Variants in DSC1 observed in about 807,000 individuals in gnomAD.
The protein encoded by DSC1 is desmocollin-1.
Under a neutral mutation model 98.8 loss-of-function variants are expected in DSC1, and 79 were observed. That is an observed-to-expected ratio of 0.80 (90% CI 0.67 to 0.96). The LOEUF (loss-of-function observed/expected upper bound fraction) is 0.96, where lower values mean the gene tolerates loss of function less well. Among genes scored for constraint, DSC1 ranks in the 50% least tolerant of loss-of-function variants. The pLI, the probability that DSC1 is intolerant of heterozygous loss-of-function variation, is 0.00. For missense variants in DSC1, 1,115 were observed against 1,075.9 expected (o/e 1.04, Z -0.51); for synonymous variants, 405 against 372.1 (o/e 1.09, Z -1.02).
chr18:31,133,538 A>T (rs1422164912), intron 13 of DSC1, among the ~76,000 whole-genome samples: 2 of 152,146 alleles, frequency 1.3e-5, no homozygotes, highest in Admixed American at 6.5e-5. Context: ...CCCTACATAA[A>T]CATGGCTGGT....
At chr18:31,147,318 C>T (rs1199156568) in intron 6 of DSC1, among the ~76,000 whole-genome samples, 1 of 151,972 alleles carries the variant, frequency 6.6e-6, no homozygotes. Flanking sequence ...GCACCTGTGA[C>T]ACATATGTAC....
rs1989081458 is a variant in DSC1 at position 31,155,595 on chromosome 18, A to AATGT, written c.471+447_471+448insACAT. On this transcript the variant is annotated intron_variant, in intron 4 of 15. Transcript: ENST00000257198. ...CGGTGAGCTGAGCTGATGCCACTAT[A>AATGT]CTCCAAAATTTCAAAACTGTTCTAT... 2.0e-5 allele frequency among the ~76,000 whole-genome samples: 3 copies of AATGT among 152,216 alleles called. No homozygotes were observed. The East Asian group carries it at 5.8e-4, about 29-fold the overall frequency.
At chr18:31,144,833 T>C (rs772144249) in intron 7 of DSC1, among the ~76,000 whole-genome samples, 1 of 152,190 alleles carries the variant, frequency 6.6e-6, no homozygotes, top group Non-Finnish European at 1.5e-5. Flanking sequence ...AATGTATCAG[T>C]TGTATCAAAT....
At position 31,129,450 on chromosome 18, in the gene DSC1, C is replaced by T. The variant is rs1317356526; in HGVS notation, c.*1064G>A. 6.6e-6 allele frequency: 1 copy of T among 151,876 alleles called. No individual in the cohort carries two copies. The highest frequency in any genetic ancestry group is 1.5e-5 in the Non-Finnish European group (1 of 67,970). 9.4% of individuals were successfully genotyped at this position (151,876 alleles called of 1,614,324 possible). A position where few individuals can be genotyped will look rare whatever the true frequency, so the allele number is the denominator to read the frequency against. ...GGGTTTCTCATATACATTCTAGTCC[C>T]TAATTCTGACTGCCCATTTTCTTAA... On this transcript the variant is annotated 3_prime_UTR_variant, in exon 16 of 16. Coordinates refer to ENST00000257198, the MANE Select transcript of DSC1 (RefSeq NM_024421.2).
In DSC1 at chr18:31,145,472, C is replaced by T. The variant is rs973831657; in HGVS notation, c.939+139G>A. On this transcript the variant is annotated intron_variant, in intron 7 of 15. Transcript: ENST00000257198. ...CAACATCTCTAAGGACCGAGGACAT[C>T]TCCAGAGAAGCCCTAACCGCAGCCT... 9.4e-6 allele frequency: 8 copies of T among 847,276 alleles called. No homozygotes were observed. The African/African-American group carries it at 1.4e-4, about 15-fold the overall frequency. The allele number at this position is 847,276 out of a possible 1,614,324, so 52.5% of individuals were successfully genotyped here.
chr18:31,153,536 C>G (rs1989039653), intron 5 of DSC1, among the ~76,000 whole-genome samples: 1 of 151,984 alleles, frequency 6.6e-6, no homozygotes, highest in Non-Finnish European at 1.5e-5. Context: ...CACTACAATC[C>G]CACCATGAAT....
At chr18:31,152,793 A>T in intron 5 of DSC1, among the ~76,000 whole-genome samples, 1 of 151,930 alleles carries the variant, frequency 6.6e-6, no homozygotes, top group East Asian at 2.0e-4. Context: ...ACTATTATTA[A>T]AGTATATTAC....
chr18:31,155,062 G>T, intron 4 of DSC1, 133 bp from the exon 5 acceptor site: 1 of 1,053,198 alleles, frequency 9.5e-7, no homozygotes, highest in East Asian at 2.7e-5. Context: ...CTGCTTAGGT[G>T]CCCATTATCT....
Position 31,130,532 on chromosome 18 carries a change from C to T in DSC1, c.2667G>A (p.Lys889=). The stretch of plus-strand genomic sequence containing the variant: ...GGCACATTTATTTCTTGATGCATGT[C>T]TTTGCTAATGTCCTAAATTTGGGTT... ...HLEPKFRTLA[K]TCIKK Residue 889 remains lysine (K), a synonymous_variant, in exon 16 of 16, where the codon AAG becomes AAA. Transcript: ENST00000257198. 6.2e-7 allele frequency: 1 copy of T among 1,614,130 alleles called. No homozygotes were observed. Among genetic ancestry groups the T allele is most frequent in the African/African-American group, 1.3e-5 (1 of 75,034 alleles).
chr18:31,140,357 T>C, intron 9 of DSC1, 56 bp from the exon 10 acceptor site: 4 of 1,491,964 alleles, frequency 2.7e-6, no homozygotes, highest in Non-Finnish European at 3.6e-6. Context: ...ATAAGACTTC[T>C]AATTTCAAAT....
In DSC1 at chr18:31,129,497, A is replaced by C. The variant is rs1988438712; in HGVS notation, c.*1017T>G. On this transcript the variant is annotated 3_prime_UTR_variant, in exon 16 of 16. Coordinates refer to ENST00000257198, the MANE Select transcript of DSC1 (RefSeq NM_024421.2). ...TTAAAGTAACTGTAAATTTAGGCTGAGTCTTAAGTTCTAATACAGATGGTA... is the reference window on the plus strand; with the variant it reads ...TTAAAGTAACTGTAAATTTAGGCTGCGTCTTAAGTTCTAATACAGATGGTA... The C allele has an allele frequency of 6.6e-6, 1 of 152,212 alleles. No homozygotes were observed. The highest frequency in any genetic ancestry group is 2.1e-4 in the South Asian group (1 of 4,826). The allele number at this position is 152,212 out of a possible 1,614,324, so 9.4% of individuals were successfully genotyped here.
chr18:31,145,596 A>G lies in DSC1; in HGVS notation c.939+15T>C. ...ATGTAGTTCAATGACTAGATAGTTAATTAATCATCATTACTTCTCTATCCA... is the reference window on the plus strand; with the variant it reads ...ATGTAGTTCAATGACTAGATAGTTAGTTAATCATCATTACTTCTCTATCCA... On this transcript the variant is annotated intron_variant, in intron 7 of 15. Transcript: ENST00000257198. 6.2e-7 allele frequency: 1 copy of G among 1,613,192 alleles called. No individual in the cohort carries two copies. Among genetic ancestry groups the G allele is most frequent in the Non-Finnish European group, 8.5e-7 (1 of 1,179,466 alleles).
In DSC1 at chr18:31,148,503, C is replaced by A. The variant is rs374935177; in HGVS notation, c.767G>T (p.Arg256Leu). 4 of 1,593,618 alleles carry A rather than the reference C, an allele frequency of 2.5e-6. No homozygotes were observed. Among genetic ancestry groups the A allele is most frequent in the East Asian group, 4.5e-5 (2 of 44,626 alleles). The change falls in exon 6 of 16, where the codon CGA (arginine) becomes CTA (leucine). Residue 256 changes from arginine (R) to leucine (L), a missense_variant. Arg to Leu is a moderately radical substitution (Grantham distance 102). Coordinates refer to ENST00000257198, the MANE Select transcript of DSC1 (RefSeq NM_024421.2). ...VTIFTVPENC[R>L]SGTSVGKVTA... Reference sequence around the variant, plus strand: ...ACAATAAAATGTGAACTTACCGGATCGGCAATTTTCAGGCACAGTAAAGAT... The same window carrying A: ...ACAATAAAATGTGAACTTACCGGATAGGCAATTTTCAGGCACAGTAAAGAT...
intron 14 of DSC1, chr18:31,132,094 G>A (rs1381227922): frequency 1.9e-6 from 1 of 521,464 alleles, no homozygotes; most frequent in East Asian, 3.5e-5. Flanking sequence ...AATTAGCTAA[G>A]ATGAGGTTAT....
intron 5 of DSC1, among the ~76,000 whole-genome samples, chr18:31,151,426 A>G (rs1988998841): frequency 6.6e-6 from 1 of 152,164 alleles, no homozygotes; most frequent in South Asian, 2.1e-4. Flanking sequence ...ATTTCAAAAA[A>G]CTCAATAGAG....
chr18:31,148,668 T>A (rs776811743), intron 5 of DSC1, 26 bp from the exon 6 acceptor site: 1 of 1,535,914 alleles, frequency 6.5e-7, no homozygotes, highest in Non-Finnish European at 8.9e-7. Context: ...ATACCATCAA[T>A]GTATTCTCAA....
Position 31,129,675 on chromosome 18 carries a change from A to G in DSC1, c.*839T>C, listed in dbSNP as rs988627052. On this transcript the variant is annotated 3_prime_UTR_variant, in exon 16 of 16. Coordinates refer to ENST00000257198, the MANE Select transcript of DSC1 (RefSeq NM_024421.2). The stretch of plus-strand genomic sequence containing the variant: ...AAACTCAAGAGTGAATGTTTTTGCT[A>G]AAGTATTTATATTTTTAAAATGTTA... The G allele has an allele frequency of 6.6e-6, 1 of 152,270 alleles. No homozygotes were observed. The highest frequency in any genetic ancestry group is 2.1e-4 in the South Asian group (1 of 4,822). 9.4% of individuals were successfully genotyped at this position (152,270 alleles called of 1,614,324 possible).
chr18:31,144,019 C>T lies in DSC1; in HGVS notation c.940-228G>A, dbSNP rs575397144. 2.2e-3 allele frequency among the ~76,000 whole-genome samples: 330 copies of T among 152,212 alleles called. 16 individuals are homozygous for T. The South Asian group carries it at 0.066, about 30-fold the overall frequency. On this transcript the variant is annotated intron_variant, in intron 7 of 15. Transcript: ENST00000257198. ...CTGCCTCCCAGGTTCAAGCAATTCT[C>T]CTACCTCAGCTTCCAGAGTAGCTGG... is the stretch of plus-strand genomic sequence containing the variant.
intron 1 of DSC1, 131 bp from the exon 2 acceptor site, chr18:31,159,660 T>A (rs2143936769): frequency 1.2e-6 from 1 of 852,756 alleles, no homozygotes; most frequent in Non-Finnish European, 1.8e-6. Context: ...TTTACATTTT[T>A]AATACTCACT....
Sources: gnomAD v4.1 joint callset for allele counts (sites outside exome capture counted in the v4.1 genomes callset) on GRCh38, gnomAD v4.1.1 for gene constraint, MANE v1.5 for transcripts, NCBI Gene and HGNC (gene_info 2026-07-23, HGNC 2026-07-21) for gene names.